Variants in SLCO6A1 observed in about 807,000 individuals in gnomAD.
SLCO6A1 encodes cancer/testis antigen 48.
SLCO6A1 carries 65 observed loss-of-function variants against 72.7 expected under a neutral mutation model. That is an observed-to-expected ratio of 0.89 (90% CI 0.73 to 1.10). The LOEUF is 1.10. Among genes scored for constraint, SLCO6A1 ranks in the 50% least tolerant of loss-of-function variants. SLCO6A1 has a pLI of 0.00. For missense variants in SLCO6A1, 874 were observed against 872.6 expected (o/e 1.00, Z -0.02); for synonymous variants, 314 against 298.2 (o/e 1.05, Z -0.55).
intron 6 of SLCO6A1, among the ~76,000 whole-genome samples, chr5:102,445,189 C>T (rs780231851): frequency 4.6e-5 from 7 of 152,248 alleles, no homozygotes; most frequent in African/African-American, 9.6e-5. Flanking sequence ...TTCCCTCCAG[C>T]GGTGTTTAAG....
At chr5:102,399,885 G>A (rs1294154984) in intron 9 of SLCO6A1, 143 bp from the exon 10 acceptor site, 2 of 531,904 alleles carry the variant, frequency 3.8e-6, no homozygotes, top group African/African-American at 3.8e-5. Context: ...AGCCTGCTAT[G>A]TATTATTTAG....
At chr5:102,453,088 G>T (rs578183679) in intron 6 of SLCO6A1, among the ~76,000 whole-genome samples, 1 of 152,248 alleles carries the variant, frequency 6.6e-6, no homozygotes, top group East Asian at 1.9e-4. Context: ...CTTTGGTTAT[G>T]TAGTCCCCCT....
intron 8 of SLCO6A1, among the ~76,000 whole-genome samples, chr5:102,416,012 T>C (rs933402221): frequency 6.6e-6 from 1 of 152,148 alleles, no homozygotes; most frequent in Non-Finnish European, 1.5e-5. Context: ...CGAAGTATGA[T>C]GTTACCCTAG....
intron 4 of SLCO6A1, among the ~76,000 whole-genome samples, chr5:102,467,456 A>C (rs1486759187): frequency 6.6e-6 from 1 of 152,006 alleles, no homozygotes; most frequent in Non-Finnish European, 1.5e-5. Flanking sequence ...GATCTTGTGC[A>C]GGGGACCTCC....
chr5:102,402,972 G>A (rs1747479834), intron 9 of SLCO6A1, among the ~76,000 whole-genome samples: 1 of 152,084 alleles, frequency 6.6e-6, no homozygotes, highest in South Asian at 2.1e-4. Context: ...AGAGAACTCT[G>A]AAAACCAAAG....
intron 10 of SLCO6A1, among the ~76,000 whole-genome samples, chr5:102,398,369 G>A (rs890781861): frequency 6.6e-6 from 1 of 151,896 alleles, no homozygotes. Context: ...GTAGAGACAG[G>A]GTTTCACCAT....
chr5:102,457,909 A>C (rs1274213970), intron 6 of SLCO6A1, among the ~76,000 whole-genome samples: 2 of 152,192 alleles, frequency 1.3e-5, no homozygotes, highest in African/African-American at 4.8e-5. Context: ...ACACCATGGA[A>C]TACTATGCAG....
chr5:102,411,974 G>T (rs189015921), intron 9 of SLCO6A1, among the ~76,000 whole-genome samples: 2 of 152,058 alleles, frequency 1.3e-5, no homozygotes, highest in Non-Finnish European at 2.9e-5. Flanking sequence ...GTCATCTGTT[G>T]TCTCTTAGGG....
chr5:102,417,027 T>C (rs1311835654), intron 8 of SLCO6A1, among the ~76,000 whole-genome samples: 1 of 152,192 alleles, frequency 6.6e-6, no homozygotes, highest in Non-Finnish European at 1.5e-5. Flanking sequence ...ATTTTTGCTC[T>C]ACATGCAGTT....
intron 7 of SLCO6A1, among the ~76,000 whole-genome samples, chr5:102,430,586 G>A (rs933595137): frequency 6.6e-6 from 1 of 152,040 alleles, no homozygotes; most frequent in Non-Finnish European, 1.5e-5. Flanking sequence ...TTCTATTTAT[G>A]TGATAAATCA....
At chr5:102,433,361 G>A (rs1188219186) in intron 7 of SLCO6A1, among the ~76,000 whole-genome samples, 1 of 152,206 alleles carries the variant, frequency 6.6e-6, no homozygotes, top group Non-Finnish European at 1.5e-5. Flanking sequence ...AATTGTCAGA[G>A]TTCTCGTGCT....
At chr5:102,454,578 C>T (rs1411280217) in intron 6 of SLCO6A1, among the ~76,000 whole-genome samples, 1 of 151,852 alleles carries the variant, frequency 6.6e-6, no homozygotes, top group Non-Finnish European at 1.5e-5. Flanking sequence ...AGATTGTTAC[C>T]AGGCATTATA....
At chr5:102,384,050 T>A (rs1746269570) in intron 12 of SLCO6A1, among the ~76,000 whole-genome samples, 1 of 151,900 alleles carries the variant, frequency 6.6e-6, no homozygotes, top group Non-Finnish European at 1.5e-5. Context: ...TTTATAATTT[T>A]ATTTATTTGA....
chr5:102,404,734 T>A (rs1747582259), intron 9 of SLCO6A1, among the ~76,000 whole-genome samples: 1 of 152,122 alleles, frequency 6.6e-6, no homozygotes, highest in Admixed American at 6.5e-5. Context: ...TAGTATGAAA[T>A]GTTAGACTAA....
At chr5:102,461,441 C>G (rs556544751) in intron 4 of SLCO6A1, among the ~76,000 whole-genome samples, 1 of 151,998 alleles carries the variant, frequency 6.6e-6, no homozygotes, top group South Asian at 2.1e-4. Flanking sequence ...ATTGAAGAGT[C>G]ATTTTGCAAA....
At chr5:102,440,805 T>C (rs1419354387) in intron 6 of SLCO6A1, among the ~76,000 whole-genome samples, 1 of 152,234 alleles carries the variant, frequency 6.6e-6, no homozygotes, top group Non-Finnish European at 1.5e-5. Context: ...CACTTGGTAT[T>C]ATTAGCTGGC....
In SLCO6A1 at chr5:102,491,553, C is replaced by T. The variant is rs537431741; in HGVS notation, c.358+6934G>A. On this transcript the variant is annotated intron_variant, in intron 1 of 13. Transcript: ENST00000506729. ...CTGCCCCACAGGGAGGCAGCTAAGG[C>T]CCCGCGAGAAATTGAACACAACAGC... Among the ~76,000 whole-genome samples the T allele has an allele frequency of 1.4e-3, 220 of 152,338 alleles. 3 individuals carry two copies. The highest frequency in any genetic ancestry group is 8.7e-4 in the Non-Finnish European group (59 of 68,022).
intron 10 of SLCO6A1, among the ~76,000 whole-genome samples, chr5:102,396,359 C>T (rs575246268): frequency 4.6e-5 from 7 of 152,092 alleles, no homozygotes; most frequent in South Asian, 2.1e-4. Flanking sequence ...TGTAGATATG[C>T]GGCATTATTT....
intron 1 of SLCO6A1, among the ~76,000 whole-genome samples, chr5:102,497,568 C>A (rs1206191975): frequency 6.6e-6 from 1 of 152,134 alleles, no homozygotes; most frequent in Non-Finnish European, 1.5e-5. Flanking sequence ...CAAGTTCGTG[C>A]CAGCCGGTTA....
Sources: allele counts gnomAD v4.1 joint callset (sites outside exome capture counted in the v4.1 genomes callset), GRCh38; gene constraint gnomAD v4.1.1; transcripts MANE v1.5; gene names NCBI Gene and HGNC (gene_info 2026-07-23, HGNC 2026-07-21).